Variants in ADAMTSL3 observed in about 807,000 individuals in gnomAD.
ADAMTSL3 encodes the protein ADAMTS like 3, also known as ADAMTS-like protein 3.
Under a neutral mutation model 201.7 loss-of-function variants are expected in ADAMTSL3, and 128 were observed. The observed-to-expected ratio is 0.63, with a 90% CI of 0.55 to 0.73. The LOEUF is 0.73. Ranked by LOEUF, ADAMTSL3 falls within the 30% of genes least tolerant of loss-of-function variation. The pLI, the probability that ADAMTSL3 is intolerant of heterozygous loss-of-function variation, is 0.00. For missense variants in ADAMTSL3, 1,990 were observed against 2,119.6 expected (o/e 0.94, Z 1.20); for synonymous variants, 738 against 748.4 (o/e 0.99, Z 0.23).
chr15:83,947,816 A>AT (rs1309415474), intron 19 of ADAMTSL3, among the ~76,000 whole-genome samples: 1 of 152,036 alleles, frequency 6.6e-6, no homozygotes, highest in Non-Finnish European at 1.5e-5. Context: ...CCCATGGATG[A>AT]TTTTCAATCT....
chr15:83,663,133 A>G (rs1301085660), intron 2 of ADAMTSL3, among the ~76,000 whole-genome samples: 2 of 152,160 alleles, frequency 1.3e-5, no homozygotes, highest in Admixed American at 6.5e-5. Flanking sequence ...ACTGTGCCAG[A>G]CAGTGAGAAG....
At chr15:83,694,699 A>G (rs2061656795) in intron 2 of ADAMTSL3, among the ~76,000 whole-genome samples, 1 of 152,200 alleles carries the variant, frequency 6.6e-6, no homozygotes, top group Admixed American at 6.5e-5. Flanking sequence ...CCCTTGTGAA[A>G]TGCCAGCATG....
chr15:83,683,317 T>C (rs2061497873), intron 2 of ADAMTSL3, among the ~76,000 whole-genome samples: 1 of 152,154 alleles, frequency 6.6e-6, no homozygotes, highest in Non-Finnish European at 1.5e-5. Flanking sequence ...CTCTTCTTAT[T>C]TTCCCCTCCT....
intron 28 of ADAMTSL3, among the ~76,000 whole-genome samples, chr15:84,034,109 AGATATCTGGTGGT>A (rs996211467): frequency 6.6e-6 from 1 of 151,924 alleles, no homozygotes; most frequent in Non-Finnish European, 1.5e-5. Flanking sequence ...TTTTTTCCTC[AGATATCTGGTGGT>A]TTATGGATGA....
chr15:83,917,239 T>C (rs537323881), intron 16 of ADAMTSL3, among the ~76,000 whole-genome samples: 1 of 152,380 alleles, frequency 6.6e-6, no homozygotes, highest in African/African-American at 2.4e-5. Flanking sequence ...TGTATACTTA[T>C]ATTTTCTAAC....
rs1192824284 is a variant in ADAMTSL3 at position 84,016,495 on chromosome 15, T to G, written c.4269T>G (p.Pro1423=). The G allele has an allele frequency of 6.2e-7, 1 of 1,613,318 alleles. No homozygotes were observed. The highest frequency in any genetic ancestry group is 1.7e-5 in the Admixed American group (1 of 59,978). ...NSNDPTGEPP[P]QEPFWEPGNW... ...ATGACCCAACAGGAGAACCCCCGCCTCAAGGTCTGGGATTTTGACCTTTTC... is the reference window on the plus strand; with the variant it reads ...ATGACCCAACAGGAGAACCCCCGCCGCAAGGTCTGGGATTTTGACCTTTTC... Residue 1423 remains proline (P), a synonymous_variant, in exon 25 of 30, where the codon CCT becomes CCG. Transcript: ENST00000286744.
At chr15:83,873,177 A>C (rs556213004) in intron 9 of ADAMTSL3, among the ~76,000 whole-genome samples, 1 of 144,164 alleles carries the variant, frequency 6.9e-6, no homozygotes, top group South Asian at 2.1e-4. Flanking sequence ...GGTGGCACGC[A>C]CCTGTAATCC....
At chr15:83,791,016 G>A (rs866400451) in intron 4 of ADAMTSL3, among the ~76,000 whole-genome samples, 30 of 152,040 alleles carry the variant, frequency 2.0e-4, no homozygotes, top group African/African-American at 6.3e-4. Flanking sequence ...AAATACCTAG[G>A]AATACATTTA....
intron 8 of ADAMTSL3, among the ~76,000 whole-genome samples, chr15:83,869,215 A>AT (rs145883412): frequency 1.7e-4 from 26 of 150,676 alleles, no homozygotes; most frequent in African/African-American, 3.2e-4. Context: ...ATTGCTTATC[A>AT]TTTTTTTTTC....
intron 19 of ADAMTSL3, chr15:83,945,850 G>C (rs1173881295): frequency 1.3e-5 from 2 of 152,138 alleles, no homozygotes; most frequent in African/African-American, 4.8e-5. Flanking sequence ...AAGATCCCTG[G>C]GTGTTGTAAT....
chr15:83,764,211 A>G (rs527848707), intron 3 of ADAMTSL3, among the ~76,000 whole-genome samples: 4 of 152,218 alleles, frequency 2.6e-5, no homozygotes, highest in East Asian at 1.9e-4. Context: ...CCTTCTAGCT[A>G]TGCTCTCTGA....
At chr15:84,036,388 C>T (rs980294481) in intron 28 of ADAMTSL3, among the ~76,000 whole-genome samples, 3 of 152,170 alleles carry the variant, frequency 2.0e-5, no homozygotes, top group African/African-American at 7.2e-5. Flanking sequence ...AAATTGAAGT[C>T]TTGTTAATGA....
intron 2 of ADAMTSL3, among the ~76,000 whole-genome samples, chr15:83,682,085 G>A (rs75352787): frequency 1.3e-5 from 2 of 152,100 alleles, no homozygotes; most frequent in African/African-American, 2.4e-5. Context: ...GGCTAGAGAC[G>A]CTTGGGTATC....
At chr15:83,957,361 G>C (rs1235787361) in intron 19 of ADAMTSL3, among the ~76,000 whole-genome samples, 3 of 152,134 alleles carry the variant, frequency 2.0e-5, no homozygotes, top group Non-Finnish European at 4.4e-5. Flanking sequence ...CATGTTGGAA[G>C]GTGTTTGAAT....
intron 13 of ADAMTSL3, 40 bp downstream of exon 13, chr15:83,892,928 A>G: frequency 3.2e-6 from 5 of 1,574,600 alleles, no homozygotes; most frequent in Non-Finnish European, 4.4e-6. Context: ...TAATTCTCAT[A>G]TTTTAAGGGA....
At chr15:83,921,111 G>A (rs1463614419) in intron 16 of ADAMTSL3, among the ~76,000 whole-genome samples, 3 of 152,136 alleles carry the variant, frequency 2.0e-5, no homozygotes, top group Non-Finnish European at 4.4e-5. Flanking sequence ...CCCTTTTCCT[G>A]CCACAAATAA....
rs1264523322 is a variant in ADAMTSL3, at chr15:83,949,317, A to G, written c.2490+6235A>G. Among the ~76,000 whole-genome samples the G allele has an allele frequency of 3.3e-5, 5 of 152,278 alleles. No individual in the cohort carries two copies. In the East Asian group the frequency reaches 9.6e-4, roughly 29 times the overall value. Reference sequence around the variant, plus strand: ...AACATAATGACCTTCAGTTCCATCCATGTTGTTGCAGATGATAGGATCTCA... The same window carrying G: ...AACATAATGACCTTCAGTTCCATCCGTGTTGTTGCAGATGATAGGATCTCA... On this transcript the variant is annotated intron_variant, in intron 19 of 29. Transcript: ENST00000286744.
At chr15:83,794,943 C>T (rs1364471033) in intron 4 of ADAMTSL3, among the ~76,000 whole-genome samples, 1 of 152,098 alleles carries the variant, frequency 6.6e-6, no homozygotes, top group African/African-American at 2.4e-5. Context: ...ACCTCTGCCT[C>T]CTGTATTCAA....
intron 17 of ADAMTSL3, among the ~76,000 whole-genome samples, chr15:83,935,823 T>A (rs2066450572): frequency 2.0e-5 from 3 of 152,104 alleles, no homozygotes. Flanking sequence ...GCAGCAGGTG[T>A]CAACAAAGTA....
Sources: allele counts gnomAD v4.1 joint callset (sites outside exome capture counted in the v4.1 genomes callset), GRCh38; gene constraint gnomAD v4.1.1; transcripts MANE v1.5; gene names NCBI Gene and HGNC (gene_info 2026-07-23, HGNC 2026-07-21).